Variants in ITPR1 observed in about 807,000 individuals in gnomAD.
ITPR1 encodes inositol 1,4,5-trisphosphate-gated calcium channel ITPR1.
ITPR1 carries 96 observed loss-of-function variants against 318.4 expected under a neutral mutation model. That is an observed-to-expected ratio of 0.30 (90% CI 0.26 to 0.36). ITPR1 has a LOEUF of 0.36. Among genes scored for constraint, ITPR1 ranks in the 10% least tolerant of loss-of-function variants. ITPR1 has a pLI of 1.00. For missense variants in ITPR1, 2,440 were observed against 3,460.2 expected, an observed-to-expected ratio of 0.71 and a Z score of 7.40; for synonymous variants, 1,312 against 1,289.9, an observed-to-expected ratio of 1.02 and a Z score of -0.37.
At chr3:4,766,470 G>A in intron 44 of ITPR1, 60 bp from the exon 45 acceptor site, 2 of 1,441,978 alleles carry the variant, frequency 1.4e-6, no homozygotes, top group South Asian at 2.4e-5. Flanking sequence ...TTGGTGTCAT[G>A]AGTGGGGTGC....
chr3:4,617,831 A>C (rs1575741779), intron 4 of ITPR1, among the ~76,000 whole-genome samples: 1 of 36,580 alleles, frequency 2.7e-5, no homozygotes, highest in South Asian at 4.9e-4. Context: ...TAAAAAATGC[A>C]AAAAAAAAAA....
intron 33 of ITPR1, among the ~76,000 whole-genome samples, chr3:4,696,328 T>G (rs901953280): frequency 5.9e-5 from 9 of 152,224 alleles, no homozygotes; most frequent in Admixed American, 4.6e-4. Flanking sequence ...ATATATGGAT[T>G]TGCCTATTTG....
intron 14 of ITPR1, among the ~76,000 whole-genome samples, 167 bp downstream of exon 14, chr3:4,661,254 A>G (rs2093826624): frequency 6.6e-6 from 1 of 152,170 alleles, no homozygotes. Context: ...ACGAGACCTG[A>G]GTGGAGCAAA....
chr3:4,519,658 C>G (rs1197460047), intron 3 of ITPR1, among the ~76,000 whole-genome samples: 1 of 152,180 alleles, frequency 6.6e-6, no homozygotes, highest in Non-Finnish European at 1.5e-5. Context: ...ATATTCTGCT[C>G]TTGATTTTTA....
chr3:4,588,004 CTG>C (rs2090065922), intron 4 of ITPR1, among the ~76,000 whole-genome samples: 1 of 151,994 alleles, frequency 6.6e-6, no homozygotes, highest in East Asian at 1.9e-4. Context: ...TCTGTTAAGA[CTG>C]TATTGATTTT....
chr3:4,754,837 G>A (rs957070500), intron 44 of ITPR1, among the ~76,000 whole-genome samples: 1 of 152,188 alleles, frequency 6.6e-6, no homozygotes, highest in Admixed American at 6.5e-5. Context: ...TTTTACATCT[G>A]TTTTCAAGGG....
At chr3:4,718,679 C>A (rs545990732) in intron 40 of ITPR1, among the ~76,000 whole-genome samples, 7 of 152,280 alleles carry the variant, frequency 4.6e-5, no homozygotes, top group African/African-American at 1.7e-4. Flanking sequence ...CAGATTTTTC[C>A]TTATATTAAT....
intron 61 of ITPR1, among the ~76,000 whole-genome samples, chr3:4,841,833 T>C (rs1003436407): frequency 1.3e-5 from 2 of 152,214 alleles, no homozygotes; most frequent in East Asian, 3.8e-4. Flanking sequence ...CTGAATTGTA[T>C]CTATACATTG....
chr3:4,570,312 T>A (rs1241187904), intron 4 of ITPR1, among the ~76,000 whole-genome samples: 1 of 152,238 alleles, frequency 6.6e-6, no homozygotes, highest in Non-Finnish European at 1.5e-5. Context: ...TAAAAATGTC[T>A]TATAATCTGT....
intron 44 of ITPR1, among the ~76,000 whole-genome samples, chr3:4,743,741 G>A (rs1171173754): frequency 6.6e-6 from 1 of 152,170 alleles, no homozygotes; most frequent in Non-Finnish European, 1.5e-5. Context: ...GTTGTTGAGG[G>A]GGAAGGGGGA....
At chr3:4,652,919 C>T (rs1342585205) in intron 11 of ITPR1, among the ~76,000 whole-genome samples, 2 of 151,958 alleles carry the variant, frequency 1.3e-5, no homozygotes, top group African/African-American at 4.8e-5. Flanking sequence ...ACACGGGAGG[C>T]AGAGGTTGCA....
chr3:4,632,095 A>G (rs73106495), intron 5 of ITPR1, among the ~76,000 whole-genome samples: 2,753 of 152,240 alleles, frequency 0.018, 89 homozygotes, highest in African/African-American at 0.063. Flanking sequence ...CATCAGTAGC[A>G]CCCTCTTCCA....
chr3:4,693,432 T>G, intron 32 of ITPR1, 58 bp from the exon 33 acceptor site: 1 of 1,577,170 alleles, frequency 6.3e-7, no homozygotes, highest in Non-Finnish European at 8.7e-7. Flanking sequence ...ATAGATTTTT[T>G]TCATGCTGCC....
chr3:4,814,741 G>C, intron 58 of ITPR1, 179 bp downstream of exon 58: 1 of 647,910 alleles, frequency 1.5e-6, no homozygotes, highest in South Asian at 2.0e-5. Flanking sequence ...AGGTGGTGCC[G>C]CAAAGTCAGC....
chr3:4,545,043 G>A (rs867158493), intron 4 of ITPR1, among the ~76,000 whole-genome samples: 3 of 152,026 alleles, frequency 2.0e-5, no homozygotes, highest in African/African-American at 4.8e-5. Context: ...CAATCCTTCC[G>A]CCTCAGCCTC....
At chr3:4,664,509 G>C (rs193216437) in intron 16 of ITPR1, among the ~76,000 whole-genome samples, 2 of 152,306 alleles carry the variant, frequency 1.3e-5, no homozygotes, top group Non-Finnish European at 2.9e-5. Context: ...GTCTATGATA[G>C]ACAGAATTTA....
chr3:4,558,912 A>C (rs1426615673), intron 4 of ITPR1, among the ~76,000 whole-genome samples: 2 of 152,148 alleles, frequency 1.3e-5, no homozygotes, highest in Non-Finnish European at 2.9e-5. Context: ...ATCTCAGGAA[A>C]AAGGACATCT....
intron 45 of ITPR1, chr3:4,768,283 A>G (rs2045947426): frequency 1.1e-5 from 5 of 450,804 alleles, no homozygotes; most frequent in Non-Finnish European, 2.0e-5. Context: ...TCTGAAACAC[A>G]CTGTACACGT....
chr3:4,728,731 C>A (rs972226350), intron 42 of ITPR1, among the ~76,000 whole-genome samples: 5 of 152,198 alleles, frequency 3.3e-5, no homozygotes, highest in Non-Finnish European at 7.3e-5. Context: ...ACCATCCCCA[C>A]CTGTCCCCTG....
Sources: allele counts gnomAD v4.1 joint callset (sites outside exome capture counted in the v4.1 genomes callset), GRCh38; gene constraint gnomAD v4.1.1; transcripts MANE v1.5; gene names NCBI Gene and HGNC (gene_info 2026-07-23, HGNC 2026-07-21).